ASIC2: variants seen among roughly 807,000 people sequenced by gnomAD.
ASIC2 encodes acid-sensing ion channel 2.
Under a neutral mutation model 57.3 loss-of-function variants are expected in ASIC2, and 25 were observed. That is an observed-to-expected ratio of 0.44 (90% confidence interval 0.32 to 0.61). ASIC2 has a LOEUF of 0.61. Ranked by LOEUF, ASIC2 falls within the 20% of genes least tolerant of loss-of-function variation. The probability of loss-of-function intolerance (pLI) is 0.06; values close to 1 mark genes in which losing one functional copy is unlikely to be tolerated. For synonymous variants in ASIC2, 319 were observed against 307.5 expected, an observed-to-expected ratio of 1.04 and a Z score of -0.39; for missense variants, 641 against 738.1, an observed-to-expected ratio of 0.87 and a Z score of 1.52.
chr17:33,635,407 C>T (rs1906326074), intron 1 of ASIC2, among the ~76,000 whole-genome samples: 1 of 152,208 alleles, frequency 6.6e-6, no homozygotes, highest in African/African-American at 2.4e-5. Context: ...GGCTGTGAGG[C>T]ATAGTAGCTG....
At chr17:33,882,525 G>A (rs1914728579) in intron 1 of ASIC2, among the ~76,000 whole-genome samples, 2 of 152,168 alleles carry the variant, frequency 1.3e-5, no homozygotes, top group South Asian at 4.1e-4. Context: ...CATCACCACT[G>A]GCCATCAGAG....
intron 1 of ASIC2, chr17:33,935,695 T>A (rs1219677459): frequency 5.9e-5 from 9 of 152,188 alleles, no homozygotes; most frequent in Admixed American, 4.6e-4. Context: ...ATCCCTCTCC[T>A]GGGGTCATAC....
chr17:33,292,914 G>T lies in ASIC2; in HGVS notation c.-799C>A. The T allele has an allele frequency of 1.0e-6, 1 of 985,532 alleles. No individual in the cohort carries two copies. Among genetic ancestry groups the T allele is most frequent in the East Asian group, 1.1e-4 (1 of 8,802 alleles). 61.0% of individuals were successfully genotyped at this position (985,532 alleles called of 1,614,324 possible). The stretch of plus-strand genomic sequence containing the variant: ...AGCTTCTCAGGGCGTCCTGCGGGAG[G>T]CTGTTCGCCGCCGGGGTCCTTCAAG... On this transcript the variant is annotated 5_prime_UTR_variant, in exon 1 of 10. Coordinates refer to ENST00000225823, the MANE Select transcript of ASIC2 (RefSeq NM_183377.2).
chr17:33,448,419 C>T (rs1392908960), intron 1 of ASIC2, among the ~76,000 whole-genome samples: 3 of 152,044 alleles, frequency 2.0e-5, no homozygotes, highest in African/African-American at 4.8e-5. Flanking sequence ...TTAAGGATCT[C>T]GAGATAAGGA....
intron 1 of ASIC2, among the ~76,000 whole-genome samples, chr17:33,480,145 T>A (rs1422112518): frequency 6.6e-6 from 1 of 152,226 alleles, no homozygotes; most frequent in African/African-American, 2.4e-5. Flanking sequence ...TTCAACAAGT[T>A]TGTACTGGGC....
intron 1 of ASIC2, among the ~76,000 whole-genome samples, chr17:33,718,886 T>C (rs1330978281): frequency 6.6e-6 from 1 of 152,166 alleles, no homozygotes; most frequent in Non-Finnish European, 1.5e-5. Flanking sequence ...GAAGCAGGGA[T>C]GCCCAGGCAT....
intron 1 of ASIC2, among the ~76,000 whole-genome samples, chr17:33,576,216 CCT>C (rs1298011628): frequency 1.3e-5 from 2 of 152,136 alleles, no homozygotes; most frequent in Non-Finnish European, 1.5e-5. Context: ...AGATCGTGCC[CCT>C]GATTCCTTGC....
intron 1 of ASIC2, among the ~76,000 whole-genome samples, chr17:33,533,073 G>A (rs1302383793): frequency 3.3e-5 from 5 of 152,202 alleles, no homozygotes; most frequent in African/African-American, 7.2e-5. Flanking sequence ...CAGGCCGAGT[G>A]CAGTGGCTCA....
chr17:33,287,692 C>T (rs1905253128), intron 1 of ASIC2, among the ~76,000 whole-genome samples: 1 of 152,174 alleles, frequency 6.6e-6, no homozygotes, highest in African/African-American at 2.4e-5. Context: ...CACCCCCCTC[C>T]CCTGCCAGGT....
chr17:33,609,201 T>A (rs1327563462), intron 1 of ASIC2, among the ~76,000 whole-genome samples: 1 of 152,230 alleles, frequency 6.6e-6, no homozygotes, highest in Non-Finnish European at 1.5e-5. Flanking sequence ...CAATCCATTT[T>A]CCTCAGGGAT....
intron 1 of ASIC2, among the ~76,000 whole-genome samples, chr17:34,055,930 A>G (rs534339997): frequency 6.6e-6 from 1 of 152,304 alleles, no homozygotes; most frequent in East Asian, 1.9e-4. Context: ...TTGGGAATAG[A>G]GTAGAGGGGG....
chr17:33,845,005 A>G (rs1913541539), intron 1 of ASIC2, among the ~76,000 whole-genome samples: 1 of 152,258 alleles, frequency 6.6e-6, no homozygotes, highest in African/African-American at 2.4e-5. Flanking sequence ...TCAGAACCAC[A>G]TACTTTGACT....
chr17:33,870,229 T>TG (rs1205666993), intron 1 of ASIC2, among the ~76,000 whole-genome samples: 45 of 118,404 alleles, frequency 3.8e-4, no homozygotes, highest in African/African-American at 1.7e-3. Flanking sequence ...ATTCTGTTTT[T>TG]TTTTTTTTTT....
chr17:33,162,745 A>T (rs1001535674), intron 1 of ASIC2, among the ~76,000 whole-genome samples: 5 of 152,082 alleles, frequency 3.3e-5, no homozygotes, highest in Admixed American at 2.6e-4. Context: ...ATTAATTGCT[A>T]TTTTTGTGGG....
intron 1 of ASIC2, among the ~76,000 whole-genome samples, chr17:33,262,098 G>A (rs573432605): frequency 5.3e-5 from 8 of 152,308 alleles, no homozygotes; most frequent in Non-Finnish European, 7.3e-5. Flanking sequence ...TCTGTGCTCG[G>A]CGCCATGTAG....
chr17:33,470,821 T>A (rs1727776351), intron 1 of ASIC2, among the ~76,000 whole-genome samples: 1 of 152,184 alleles, frequency 6.6e-6, no homozygotes, highest in Non-Finnish European at 1.5e-5. Flanking sequence ...CATTCACCTG[T>A]AGTCTCTGTA....
intron 1 of ASIC2, among the ~76,000 whole-genome samples, chr17:33,429,353 T>C (rs1911323917): frequency 1.3e-5 from 2 of 152,148 alleles, no homozygotes; most frequent in South Asian, 4.1e-4. Flanking sequence ...GAGAAGTACC[T>C]TGTTCAGCCT....
At chr17:33,669,710 A>G (rs1409467977) in intron 1 of ASIC2, among the ~76,000 whole-genome samples, 1 of 152,184 alleles carries the variant, frequency 6.6e-6, no homozygotes, top group Non-Finnish European at 1.5e-5. Flanking sequence ...GGTGGCGATG[A>G]AAACATTAAA....
intron 1 of ASIC2, among the ~76,000 whole-genome samples, chr17:33,798,655 G>T (rs1283476471): frequency 6.6e-6 from 1 of 152,176 alleles, no homozygotes. Flanking sequence ...CTTCAGGAAT[G>T]TGCTGCAGGC....
Sources: allele counts gnomAD v4.1 joint callset (sites outside exome capture counted in the v4.1 genomes callset), GRCh38; gene constraint gnomAD v4.1.1; transcripts MANE v1.5; gene names NCBI Gene and HGNC (gene_info 2026-07-23, HGNC 2026-07-21).